The following ATP2A2 variants were observed in gnomAD, a reference collection of about 807,000 sequenced individuals.
The protein encoded by ATP2A2 is ATPase sarcoplasmic/endoplasmic reticulum Ca2+ transporting 2.
In ATP2A2, 14 loss-of-function variants were observed where a neutral mutation model predicts 109.3. The ratio of observed to expected loss-of-function variants is 0.13; its 90% CI spans 0.08 to 0.20. The LOEUF (loss-of-function observed/expected upper bound fraction) is 0.20. Ranked by LOEUF, ATP2A2 falls within the 10% of genes least tolerant of loss-of-function variation. The pLI is 1.00. For missense variants in ATP2A2, 657 were observed against 1,321.6 expected (o/e 0.50, Z 7.80); for synonymous variants, 506 against 490.9 (o/e 1.03, Z -0.41).
chr12:110,297,967 G>A (rs373706021), intron 5 of ATP2A2, among the ~76,000 whole-genome samples: 3 of 152,052 alleles, frequency 2.0e-5, no homozygotes, highest in Admixed American at 2.0e-4. Flanking sequence ...GTCTAGGTGG[G>A]TTGTTTGTTT....
At chr12:110,300,106 C>T (rs1315293225) in intron 5 of ATP2A2, among the ~76,000 whole-genome samples, 1 of 145,054 alleles carries the variant, frequency 6.9e-6, no homozygotes, top group South Asian at 2.2e-4. Flanking sequence ...TTCCTTCCTT[C>T]CTCCCCCTTT....
In ATP2A2 at chr12:110,348,803, AG is replaced by A; in HGVS notation, c.*2338del. On this transcript the variant is annotated 3_prime_UTR_variant, in exon 20 of 20. Coordinates refer to ENST00000539276, the MANE Select transcript of ATP2A2 (RefSeq NM_170665.4). ...TTGCCCAGCAGGGAACATTTGGGGC[AG>A]GGGGTAAATTTTGCCAGTTTGAGCA... 6.1e-6 allele frequency: 6 copies of A among 985,526 alleles called. No individual in the cohort carries two copies. Among genetic ancestry groups the A allele is most frequent in the Non-Finnish European group, 7.2e-6 (6 of 830,018 alleles). 61.0% of individuals were successfully genotyped at this position (985,526 alleles called of 1,614,324 possible). A position where few individuals can be genotyped will look rare whatever the true frequency, so the allele number is the denominator to read the frequency against.
Position 110,345,993 on chromosome 12 carries a change from C to T in ATP2A2, c.2742-8C>T. 2 of 1,614,086 alleles carry T rather than the reference C, an allele frequency of 1.2e-6. No individual in the cohort carries two copies. Among genetic ancestry groups the T allele is most frequent in the Non-Finnish European group, 1.7e-6 (2 of 1,179,928 alleles). ...GGGTGCGTTTCCCCACCTCTCCTTG[C>T]TCTGCAGCTTGTCCGAAAACCAGTC... On this transcript the variant is annotated splice_polypyrimidine_tract_variant and splice_region_variant and intron_variant, in intron 18 of 19. Transcript: ENST00000539276.
chr12:110,339,110 TAGTC>T lies in ATP2A2; in HGVS notation c.1420-170_1420-167del, dbSNP rs1566237577. Among the ~76,000 whole-genome samples the T allele has an allele frequency of 1.3e-5, 2 of 152,244 alleles. No homozygotes were observed. Among genetic ancestry groups the T allele is most frequent in the African/African-American group, 4.8e-5 (2 of 41,466 alleles). ...TAGCACTTGTGTTACTTTTGCATCT[TAGTC>T]TGTCTCTCCCAAAATAGGGGACAAG... On this transcript the variant is annotated intron_variant, in intron 11 of 19. Coordinates refer to ENST00000539276, the MANE Select transcript of ATP2A2 (RefSeq NM_170665.4). This position sits in a 1 kb window ranked among gnomAD's most constrained non-coding sequence, Gnocchi z 4.4.
In ATP2A2 at chr12:110,347,052, C is replaced by T. The variant is rs1879941153; in HGVS notation, c.*582C>T. On this transcript the variant is annotated 3_prime_UTR_variant, in exon 20 of 20. Transcript: ENST00000539276. Reference sequence around the variant, plus strand: ...CCACCCCACCTCTCCCCACCTTACCCCCGCCCCGCTTGGCTTCTTCTTTAG... The same window carrying T: ...CCACCCCACCTCTCCCCACCTTACCTCCGCCCCGCTTGGCTTCTTCTTTAG... 2.1e-5 allele frequency: 23 copies of T among 1,084,276 alleles called. No homozygotes were observed. The highest frequency in any genetic ancestry group is 2.5e-5 in the Non-Finnish European group (22 of 890,722). 67.2% of individuals were successfully genotyped at this position (1,084,276 alleles called of 1,614,324 possible).
Position 110,347,297 on chromosome 12 carries a change from A to AAAAC in ATP2A2, c.*829_*832dup, listed in dbSNP as rs1879970878. 1.6e-6 allele frequency: 2 copies of AAAAC among 1,262,468 alleles called. No individual in the cohort carries two copies. The highest frequency in any genetic ancestry group is 2.1e-6 in the Non-Finnish European group (2 of 972,716). 78.2% of individuals were successfully genotyped at this position (1,262,468 alleles called of 1,614,324 possible). On this transcript the variant is annotated 3_prime_UTR_variant, in exon 20 of 20. Coordinates refer to ENST00000539276, the MANE Select transcript of ATP2A2 (RefSeq NM_170665.4). Reference sequence around the variant, plus strand: ...GCACGTCATCTAGTTTTAAAAAAATAAAACATTTTAAATGGACAGAGAAAA... The same window carrying AAAAC: ...GCACGTCATCTAGTTTTAAAAAAATAAAACAAACATTTTAAATGGACAGAGAAAA...
At chr12:110,343,704 A>G (rs1284093255) in intron 16 of ATP2A2, among the ~76,000 whole-genome samples, 1 of 152,200 alleles carries the variant, frequency 6.6e-6, no homozygotes, top group Non-Finnish European at 1.5e-5. Context: ...CCTCTGTGCA[A>G]AGGGATAAGA....
intron 14 of ATP2A2, among the ~76,000 whole-genome samples, chr12:110,341,380 C>G (rs969736706): frequency 9.9e-5 from 15 of 151,946 alleles, no homozygotes; most frequent in African/African-American, 3.6e-4. Flanking sequence ...TATTCTTCCC[C>G]TCACCTGATT....
At chr12:110,308,818 A>G (rs1875661408) in intron 5 of ATP2A2, among the ~76,000 whole-genome samples, 1 of 152,234 alleles carries the variant, frequency 6.6e-6, no homozygotes, top group Non-Finnish European at 1.5e-5. Context: ...GCTTTTAGAC[A>G]TGGTGACTTT....
chr12:110,292,241 A>T, intron 4 of ATP2A2, 117 bp downstream of exon 4: 1 of 799,302 alleles, frequency 1.3e-6, no homozygotes, highest in Non-Finnish European at 2.1e-6. Flanking sequence ...TGTTTGCGGG[A>T]AGTTTACATG....
At chr12:110,308,252 A>G (rs1014833749) in intron 5 of ATP2A2, among the ~76,000 whole-genome samples, 2 of 152,220 alleles carry the variant, frequency 1.3e-5, no homozygotes, top group Non-Finnish European at 1.5e-5. Flanking sequence ...AGAATCTCCA[A>G]TACAACGTTG....
chr12:110,309,645 G>A (rs534555288), intron 5 of ATP2A2, among the ~76,000 whole-genome samples: 48 of 152,198 alleles, frequency 3.2e-4, no homozygotes, highest in Non-Finnish European at 5.4e-4. Context: ...GCTCATGCCT[G>A]TAATCTCAGC....
At chr12:110,298,759 A>G (rs754971857) in intron 5 of ATP2A2, among the ~76,000 whole-genome samples, 3 of 152,180 alleles carry the variant, frequency 2.0e-5, no homozygotes, top group Non-Finnish European at 2.9e-5. Flanking sequence ...ATGTTATACT[A>G]TCACAGATGT....
intron 5 of ATP2A2, among the ~76,000 whole-genome samples, chr12:110,312,903 C>G (rs1298799813): frequency 6.6e-6 from 1 of 150,836 alleles, no homozygotes; most frequent in Non-Finnish European, 1.5e-5. Flanking sequence ...TTTAGTTGTT[C>G]TGTAAATCCT....
Position 110,350,012 on chromosome 12 carries a change from A to T in ATP2A2, c.*3542A>T. 1 of 1,361,044 alleles carries T rather than the reference A, an allele frequency of 7.3e-7. No individual in the cohort carries two copies. Among genetic ancestry groups the T allele is most frequent in the Non-Finnish European group, 9.5e-7 (1 of 1,055,268 alleles). The allele number at this position is 1,361,044 out of a possible 1,614,324, so 84.3% of individuals were successfully genotyped here. A position where few individuals can be genotyped will look rare whatever the true frequency, so the allele number is the denominator to read the frequency against. On this transcript the variant is annotated 3_prime_UTR_variant, in exon 20 of 20. Transcript: ENST00000539276. ...CTGTCTCGCTGCTTTCACAGCTGCA[A>T]CGATTGTGTCTGCCTCATGGGGTTT...
intron 5 of ATP2A2, among the ~76,000 whole-genome samples, chr12:110,298,784 C>T (rs577947605): frequency 6.6e-6 from 1 of 152,262 alleles, no homozygotes; most frequent in South Asian, 2.1e-4. Context: ...TTTTTTCACT[C>T]TGTATACACA....
intron 4 of ATP2A2, among the ~76,000 whole-genome samples, chr12:110,294,882 C>T (rs971429296): frequency 7.3e-5 from 11 of 150,424 alleles, no homozygotes; most frequent in African/African-American, 2.4e-4. Flanking sequence ...TGCAGTGGCA[C>T]GATCTTGGCC....
chr12:110,333,901 C>T (rs1878580166), intron 10 of ATP2A2, 111 bp from the exon 11 acceptor site: 3 of 1,446,380 alleles, frequency 2.1e-6, no homozygotes, highest in Non-Finnish European at 2.9e-6. Context: ...AATGGCCTTA[C>T]AGTGTTGTAA....
chr12:110,293,819 C>CAT (rs201974120), intron 4 of ATP2A2, among the ~76,000 whole-genome samples: 27 of 126,418 alleles, frequency 2.1e-4, no homozygotes, highest in East Asian at 4.9e-4. Flanking sequence ...GTAATTGTGC[C>CAT]ATATATATGT....
Sources: allele counts gnomAD v4.1 joint callset (sites outside exome capture counted in the v4.1 genomes callset), GRCh38; gene constraint gnomAD v4.1.1; non-coding constraint Gnocchi (gnomAD v3.1); transcripts MANE v1.5; gene names NCBI Gene and HGNC (gene_info 2026-07-23, HGNC 2026-07-21).